MRC2: variants seen among roughly 807,000 people sequenced by gnomAD.
The protein encoded by MRC2 is C-type mannose receptor 2.
Under a neutral mutation model 206.2 loss-of-function variants are expected in MRC2, and 84 were observed. That is an observed-to-expected ratio of 0.41 (90% CI 0.34 to 0.49). MRC2 has a LOEUF of 0.49. Ranked by LOEUF, MRC2 falls within the 20% of genes least tolerant of loss-of-function variation. MRC2 has a pLI of 0.31. For missense variants in MRC2, 1,676 were observed against 2,001.5 expected, an observed-to-expected ratio of 0.84 and a Z score of 3.10; for synonymous variants, 798 against 800.0, an observed-to-expected ratio of 1.00 and a Z score of 0.04.
chr17:62,687,034 G>A (rs1045864053), intron 20 of MRC2, among the ~76,000 whole-genome samples: 5 of 152,116 alleles, frequency 3.3e-5, no homozygotes, highest in African/African-American at 7.2e-5. Context: ...CCCAAAGACA[G>A]GCTTTGTATT....
chr17:62,649,611 C>G (rs1382668274), intron 1 of MRC2, among the ~76,000 whole-genome samples: 1 of 152,096 alleles, frequency 6.6e-6, no homozygotes, highest in Non-Finnish European at 1.5e-5. Context: ...CCGTGCCTTG[C>G]TTTTAGAACC....
At chr17:62,676,305 C>T in intron 10 of MRC2, 78 bp from the exon 11 acceptor site, 2 of 1,567,318 alleles carry the variant, frequency 1.3e-6, no homozygotes, top group Admixed American at 1.8e-5. Flanking sequence ...CCCGAGCTCC[C>T]ACGGTAGGGC....
At chr17:62,691,974 A>C in intron 28 of MRC2, 138 bp from the exon 29 acceptor site, 1 of 1,123,460 alleles carries the variant, frequency 8.9e-7, no homozygotes, top group Non-Finnish European at 1.3e-6. Flanking sequence ...CAGTAACCAG[A>C]GGTAGGATGG....
At position 62,688,602 on chromosome 17, in the gene MRC2, T is replaced by C; in HGVS notation, c.3163T>C (p.Tyr1055His). 1 of 1,614,206 alleles carries C rather than the reference T, an allele frequency of 6.2e-7. No homozygotes were observed. The highest frequency in any genetic ancestry group is 8.5e-7 in the Non-Finnish European group (1 of 1,180,038). ...FQWVEQEPLMYANWAPGEPSG... is the reference protein window; with the variant it reads ...FQWVEQEPLMHANWAPGEPSG... ...GTGGGTGGAGCAGGAGCCTTTGATG[T>C]ATGCCAACTGGGCACCTGGGGAGCC... The change falls in exon 22 of 30, where the codon TAT (tyrosine) becomes CAT (histidine). Residue 1055 changes from tyrosine to histidine, a missense_variant. Physicochemically the swap from Tyr to His is moderately conservative, Grantham distance 83 (BLOSUM62 2). Around this residue, in one of 3 missense-constraint regions of MRC2, gnomAD observed 1,354 missense variants for 1,636.6 expected, o/e 0.83. Coordinates refer to ENST00000303375, the MANE Select transcript of MRC2 (RefSeq NM_006039.5).
chr17:62,692,421 A>T lies in MRC2; in HGVS notation c.4410A>T (p.Ser1470=). The T allele has an allele frequency of 6.4e-7, 1 of 1,569,298 alleles. No individual in the cohort carries two copies. The highest frequency in any genetic ancestry group is 1.2e-5 in the South Asian group (1 of 85,578). The change falls in exon 30 of 30, where the codon TCA becomes TCT. Residue 1470 remains serine (S), a synonymous_variant. Transcript: ENST00000303375. This position sits in a 1 kb window ranked among gnomAD's most constrained non-coding sequence, Gnocchi z 4.2. ...CCACTGAGAAGAACATCCTGGTGTC[A>T]GACATGGAAATGAATGAGCAACAAG... is the stretch of plus-strand genomic sequence containing the variant. ...TEATEKNILV[S]DMEMNEQQE is the part of the protein sequence containing the mutation.
In MRC2 at chr17:62,667,985, G is replaced by C. The variant is rs1229164993; in HGVS notation, c.1117+452G>C. 6.6e-6 allele frequency among the ~76,000 whole-genome samples: 1 copy of C among 152,284 alleles called. No homozygotes were observed. Among genetic ancestry groups the C allele is most frequent in the East Asian group, 1.9e-4 (1 of 5,186 alleles). ...AAGTTTAAAAGATATAAAGAGGTGT[G>C]GGGGAAGGGCATTCCTGGCAGAGGG... On this transcript the variant is annotated intron_variant, in intron 6 of 29. Transcript: ENST00000303375. This position sits in a 1 kb window ranked among gnomAD's most constrained non-coding sequence, Gnocchi z 4.1.
At chr17:62,690,619 A>G in intron 26 of MRC2, 23 bp from the exon 27 acceptor site, 1 of 1,583,422 alleles carries the variant, frequency 6.3e-7, no homozygotes, top group Admixed American at 1.8e-5. Context: ...ATCCGCCCTG[A>G]CGTGGGCCTT....
intron 6 of MRC2, among the ~76,000 whole-genome samples, chr17:62,668,048 C>T (rs1168673468): frequency 1.3e-5 from 2 of 152,160 alleles, no homozygotes; most frequent in African/African-American, 4.8e-5. Flanking sequence ...TAGAACTACA[C>T]TGCAGCTTTA....
intron 1 of MRC2, among the ~76,000 whole-genome samples, chr17:62,645,350 G>A (rs939247008): frequency 1.3e-5 from 2 of 151,446 alleles, no homozygotes; most frequent in Non-Finnish European, 2.9e-5. Context: ...CAAGGAATGT[G>A]ATCCAGGTCT....
intron 1 of MRC2, among the ~76,000 whole-genome samples, chr17:62,634,316 T>G (rs2088284633): frequency 6.6e-6 from 1 of 152,200 alleles, no homozygotes; most frequent in Admixed American, 6.5e-5. Flanking sequence ...ATTTTTTTTT[T>G]TTGAGATGGA....
At position 62,692,046 on chromosome 17, in the gene MRC2, GTTTAC is replaced by G; in HGVS notation, c.4193-63_4193-59del. On this transcript the variant is annotated intron_variant, in intron 28 of 29. Transcript: ENST00000303375. The surrounding 1 kb of genome is among the most constrained non-coding windows in gnomAD (Gnocchi z 4.2). Reference sequence around the variant, plus strand: ...CGGCCCAGGCCTGTGTGCTTTGTATGTTTACTTAAGTGATTATTACGATGATCACT... The same window carrying G: ...CGGCCCAGGCCTGTGTGCTTTGTATGTTAAGTGATTATTACGATGATCACT... 1.2e-6 allele frequency: 2 copies of G among 1,609,294 alleles called. No homozygotes were observed. The highest frequency in any genetic ancestry group is 1.7e-6 in the Non-Finnish European group (2 of 1,175,978).
chr17:62,685,779 C>T (rs1351563350), intron 20 of MRC2, among the ~76,000 whole-genome samples: 3 of 152,076 alleles, frequency 2.0e-5, no homozygotes, highest in South Asian at 2.1e-4. Context: ...TGGGCTCAAG[C>T]GATCCTCCTG....
intron 1 of MRC2, among the ~76,000 whole-genome samples, chr17:62,648,981 G>A (rs2088523387): frequency 6.6e-6 from 1 of 152,322 alleles, no homozygotes; most frequent in East Asian, 1.9e-4. Context: ...GGTACAGAGG[G>A]ACAGGAAGCC....
Position 62,680,569 on chromosome 17 carries a change from AG to A in MRC2, c.2473+121del. The A allele has an allele frequency of 3.4e-6, 5 of 1,464,248 alleles. No homozygotes were observed. The highest frequency in any genetic ancestry group is 3.8e-6 in the Non-Finnish European group (4 of 1,064,412). The allele number at this position is 1,464,248 out of a possible 1,614,324, so 90.7% of individuals were successfully genotyped here. Reference sequence around the variant, plus strand: ...GGGATGAGGAGTTCCGGTCGAGAGAAGGGGGACGGGGTTGGCTCGGACGGAG... The same window carrying A: ...GGGATGAGGAGTTCCGGTCGAGAGAAGGGGACGGGGTTGGCTCGGACGGAG... On this transcript the variant is annotated intron_variant, in intron 16 of 29. Coordinates refer to ENST00000303375, the MANE Select transcript of MRC2 (RefSeq NM_006039.5). The surrounding 1 kb of genome is among the most constrained non-coding windows in gnomAD (Gnocchi z 4.8).
At position 62,675,525 on chromosome 17, in the gene MRC2, C is replaced by T. The variant is rs545562977; in HGVS notation, c.1570-265C>T. ...TGAAGGGCCATTCATCTTCCCGAGCCGGGTCACTGGCCGGTCGCTGGTGGC... is the reference window on the plus strand; with the variant it reads ...TGAAGGGCCATTCATCTTCCCGAGCTGGGTCACTGGCCGGTCGCTGGTGGC... On this transcript the variant is annotated intron_variant, in intron 9 of 29. Transcript: ENST00000303375. This position sits in a 1 kb window ranked among gnomAD's most constrained non-coding sequence, Gnocchi z 4.1. Among the ~76,000 whole-genome samples, 5 of 152,302 alleles carry T rather than the reference C, an allele frequency of 3.3e-5. No individual in the cohort carries two copies. The highest frequency in any genetic ancestry group is 1.9e-4 in the East Asian group (1 of 5,182).
At chr17:62,669,772 T>A in intron 6 of MRC2, among the ~76,000 whole-genome samples, 1 of 151,994 alleles carries the variant, frequency 6.6e-6, no homozygotes, top group East Asian at 1.9e-4. Flanking sequence ...CCCAGGCTGG[T>A]CTCGAACTCC....
chr17:62,639,037 G>A (rs2088364835), intron 1 of MRC2, among the ~76,000 whole-genome samples: 3 of 152,134 alleles, frequency 2.0e-5, no homozygotes, highest in Non-Finnish European at 4.4e-5. Flanking sequence ...CTGTCACATA[G>A]AAAGTGCAAG....
intron 1 of MRC2, among the ~76,000 whole-genome samples, chr17:62,635,251 C>T (rs2088299810): frequency 7.3e-6 from 1 of 137,186 alleles, no homozygotes; most frequent in South Asian, 2.3e-4. Context: ...TTCTTCGTGA[C>T]ACTTTGCTAA....
intron 1 of MRC2, among the ~76,000 whole-genome samples, chr17:62,643,497 A>C (rs1300251589): frequency 1.3e-5 from 2 of 152,190 alleles, no homozygotes; most frequent in Non-Finnish European, 2.9e-5. Context: ...AACAACAAAC[A>C]GGGAAGGGAT....
Sources: gnomAD v4.1 joint callset for allele counts (sites outside exome capture counted in the v4.1 genomes callset) on GRCh38, gnomAD v4.1.1 for gene constraint, gnomAD v4.1.1 regional missense constraint, Gnocchi (gnomAD v3.1) non-coding constraint, MANE v1.5 for transcripts, NCBI Gene and HGNC (gene_info 2026-07-23, HGNC 2026-07-21) for gene names.